The following UNC79 variants were observed in gnomAD, a reference collection of about 807,000 sequenced individuals.
UNC79 encodes unc-79 subunit of NALCN channel complex, also known as protein unc-79 homolog.
UNC79 carries 37 observed loss-of-function variants against 283.1 expected under a neutral mutation model. The observed-to-expected ratio is 0.13, with a 90% confidence interval of 0.10 to 0.17. UNC79 has a LOEUF of 0.17. UNC79 is among the 10% of genes least tolerant of loss of function. The pLI is 1.00. For missense variants in UNC79, 2,272 were observed against 3,211.1 expected (o/e 0.71, Z 7.07); for synonymous variants, 1,107 against 1,200.2 (o/e 0.92, Z 1.61).
At chr14:93,342,867 A>C (rs2053742598) in intron 1 of UNC79, among the ~76,000 whole-genome samples, 1 of 152,232 alleles carries the variant, frequency 6.6e-6, no homozygotes, top group Non-Finnish European at 1.5e-5. Context: ...TCTCTTTGCT[A>C]AGGCATAGCA....
At chr14:93,549,975 T>C (rs887633884) in intron 14 of UNC79, among the ~76,000 whole-genome samples, 5 of 152,208 alleles carry the variant, frequency 3.3e-5, no homozygotes, top group African/African-American at 1.2e-4. Context: ...CAATCTGAAT[T>C]AATCAAAAGG....
chr14:93,518,597 GT>G (rs1567040470), intron 7 of UNC79, among the ~76,000 whole-genome samples: 1 of 151,544 alleles, frequency 6.6e-6, no homozygotes, highest in African/African-American at 2.4e-5. Flanking sequence ...ACTGAGTTCT[GT>G]TCTTTTTCTG....
chr14:93,654,101 T>A, intron 37 of UNC79, 76 bp downstream of exon 40: 1 of 1,250,350 alleles, frequency 8.0e-7, no homozygotes. Flanking sequence ...TGTGTTTCTT[T>A]GAGTCACACC....
At chr14:93,601,888 G>T (rs184743110) in intron 25 of UNC79, among the ~76,000 whole-genome samples, 56 of 152,176 alleles carry the variant, frequency 3.7e-4, no homozygotes, top group African/African-American at 1.3e-3. Flanking sequence ...TTTGTTGGCC[G>T]TTTGTATATC....
chr14:93,385,075 G>C (rs919893686), intron 1 of UNC79, among the ~76,000 whole-genome samples: 1 of 152,106 alleles, frequency 6.6e-6, no homozygotes, highest in African/African-American at 2.4e-5. Context: ...TGCCACTTTG[G>C]TTACTATAGC....
rs1381076279 is a variant in UNC79, at chr14:93,585,880, TCTC to T, written c.2804-715_2804-713del. Among the ~76,000 whole-genome samples the T allele has an allele frequency of 5.1e-4, 69 of 134,338 alleles. 2 individuals carry two copies. The South Asian group carries it at 6.5e-3, about 13-fold the overall frequency. The allele number at this position is 134,338 out of a possible 152,430, so 88.1% of individuals were successfully genotyped here. On this transcript the variant is annotated intron_variant, in intron 20 of 48. Coordinates refer to ENST00000555664, the Ensembl canonical transcript of UNC79. The stretch of plus-strand genomic sequence containing the variant: ...AGTACAAATTGAACACCTCTCTCTC[TCTC>T]TTTTTTTTTTTTTTTTGAGACTGAG...
chr14:93,427,963 A>T (rs1052990058), upstream of UNC79, among the ~76,000 whole-genome samples: 1 of 152,222 alleles, frequency 6.6e-6, no homozygotes, highest in Non-Finnish European at 1.5e-5. Context: ...TAAACAATAG[A>T]ATGGGCAAAA....
chr14:93,453,676 G>A (rs2056714796), intron 1 of UNC79, among the ~76,000 whole-genome samples: 2 of 152,208 alleles, frequency 1.3e-5, no homozygotes, highest in African/African-American at 4.8e-5. Flanking sequence ...CAGATTCTCT[G>A]ATTTCAAAAT....
exon 8 of UNC79, chr14:93,524,039 G>A (rs752112319): frequency 1.9e-6 from 3 of 1,614,136 alleles, no homozygotes; most frequent in Non-Finnish European, 2.5e-6. Flanking sequence ...AACCAGCTGT[G>A]AAGGTACTGT....
chr14:93,704,534 T>C, intron 47 of UNC79, 91 bp from the exon 51 acceptor site: 1 of 1,422,704 alleles, frequency 7.0e-7, no homozygotes, highest in South Asian at 1.1e-5. Flanking sequence ...GTGAAAGGGA[T>C]TCAATGTGGC....
intron 7 of UNC79, among the ~76,000 whole-genome samples, chr14:93,519,848 T>A (rs1339206132): frequency 6.6e-6 from 1 of 151,834 alleles, no homozygotes; most frequent in East Asian, 1.9e-4. Flanking sequence ...TTTGTTATTG[T>A]TACCAAACAT....
At chr14:93,354,122 C>T (rs1214125097) in intron 1 of UNC79, among the ~76,000 whole-genome samples, 2 of 152,130 alleles carry the variant, frequency 1.3e-5, no homozygotes, top group African/African-American at 4.8e-5. Flanking sequence ...TCATATATGA[C>T]ACCCTGAGGG....
In UNC79 at chr14:93,347,323, C is replaced by T. The variant is rs267604100; in HGVS notation, c.-351+13800C>T. 5.6e-6 allele frequency: 9 copies of T among 1,603,590 alleles called. No homozygotes were observed. The South Asian group carries it at 9.9e-5, about 18-fold the overall frequency. ...CCGCCGCCACTACCGCCGCTTGGCC[C>T]TGCTCGGCCTGCAGCCCGCTCCCCG... On this transcript the variant is annotated intron_variant, in intron 1 of 49. Coordinates refer to the UNC79 transcript ENST00000256339.
chr14:93,603,218 T>C (rs751898220), intron 25 of UNC79, 21 bp from the exon 26 acceptor site: 1 of 1,612,554 alleles, frequency 6.2e-7, no homozygotes, highest in Non-Finnish European at 8.5e-7. Context: ...AGTGATAGTC[T>C]CTTTAATTCC....
intron 47 of UNC79, 106 bp from the exon 51 acceptor site, chr14:93,704,519 G>A (rs926221720): frequency 2.4e-5 from 31 of 1,302,824 alleles, no homozygotes; most frequent in East Asian, 6.9e-5. Context: ...ACATCCGTGC[G>A]CGACGTGAAA....
At chr14:93,704,814 T>A in intron 48 of UNC79, 148 bp downstream of exon 51, 1 of 1,004,392 alleles carries the variant, frequency 1.0e-6, no homozygotes, top group Non-Finnish European at 1.5e-6. Context: ...AGGAGACCTG[T>A]GGGCCAGGTA....
At chr14:93,387,550 G>A (rs540833596) in intron 1 of UNC79, among the ~76,000 whole-genome samples, 3 of 152,228 alleles carry the variant, frequency 2.0e-5, no homozygotes, top group East Asian at 1.9e-4. Flanking sequence ...AACAGTGTCC[G>A]AAGTTCCTCT....
intron 1 of UNC79, among the ~76,000 whole-genome samples, chr14:93,436,042 C>T (rs2056075454): frequency 6.6e-6 from 1 of 152,026 alleles, no homozygotes; most frequent in Non-Finnish European, 1.5e-5. Context: ...GTATTATGTT[C>T]CTCTCTGTGT....
chr14:93,348,229 A>G, intron 1 of UNC79: 1 of 686,306 alleles, frequency 1.5e-6, no homozygotes. Flanking sequence ...CCATTGTGGT[A>G]TTCACTTTCC....
Sources: gnomAD v4.1 joint callset for allele counts (sites outside exome capture counted in the v4.1 genomes callset) on GRCh38, gnomAD v4.1.1 for gene constraint, MANE v1.5 for transcripts, NCBI Gene and HGNC (gene_info 2026-07-23, HGNC 2026-07-21) for gene names.